Variants in PROS1 observed in about 807,000 individuals in gnomAD.
PROS1 encodes vitamin K-dependent protein S.
PROS1 carries 29 observed loss-of-function variants against 75.9 expected under a neutral mutation model. The observed-to-expected ratio is 0.38, with a 90% confidence interval of 0.28 to 0.52. The LOEUF is 0.52. Among genes scored for constraint, PROS1 ranks in the 20% least tolerant of loss-of-function variants. The pLI is 0.83. For synonymous variants in PROS1, 245 were observed against 280.6 expected (o/e 0.87, Z 1.27); for missense variants, 680 against 810.3 (o/e 0.84, Z 1.95).
intron 13 of PROS1, among the ~76,000 whole-genome samples, chr3:93,877,702 C>T (rs1323813730): frequency 6.6e-6 from 1 of 152,158 alleles, no homozygotes; most frequent in East Asian, 1.9e-4. Context: ...CCAGGGATTG[C>T]CACCAGCACG....
rs748894143 is a variant in PROS1 at position 93,886,302 on chromosome 3, A to G, written c.1323+34T>C. ...AATCTATTACAGACAAAAGGAACTC[A>G]TCCATGATGAATGATACAAGCTTGG... On this transcript the variant is annotated intron_variant, in intron 11 of 14. Coordinates refer to ENST00000394236, the MANE Select transcript of PROS1 (RefSeq NM_000313.4). 1.6e-5 allele frequency: 26 copies of G among 1,597,146 alleles called. No homozygotes were observed. In the Admixed American group the frequency reaches 3.5e-4, roughly 22 times the overall value.
At chr3:93,942,687 C>A (rs1709307043) in intron 1 of PROS1, among the ~76,000 whole-genome samples, 1 of 152,212 alleles carries the variant, frequency 6.6e-6, no homozygotes, top group Admixed American at 6.5e-5. Flanking sequence ...CAGGCCCATT[C>A]TATTCTGTCG....
chr3:93,917,699 C>T (rs1038163154), intron 3 of PROS1, among the ~76,000 whole-genome samples: 1 of 152,144 alleles, frequency 6.6e-6, no homozygotes, highest in Non-Finnish European at 1.5e-5. Context: ...CCGGCCCTGC[C>T]AGCAGGGGCA....
chr3:93,933,108 C>T (rs1360048538), intron 1 of PROS1, among the ~76,000 whole-genome samples: 1 of 152,158 alleles, frequency 6.6e-6, no homozygotes, highest in Non-Finnish European at 1.5e-5. Context: ...AGAAGAGAGT[C>T]TTTGGCTAGC....
At chr3:93,903,725 A>G (rs1344503019) in intron 6 of PROS1, among the ~76,000 whole-genome samples, 1 of 152,236 alleles carries the variant, frequency 6.6e-6, no homozygotes, top group Admixed American at 6.5e-5. Flanking sequence ...ATTTAAGCGT[A>G]GAAGTAAGAA....
intron 1 of PROS1, among the ~76,000 whole-genome samples, chr3:93,963,947 C>A (rs924724038): frequency 5.3e-5 from 8 of 152,146 alleles, no homozygotes; most frequent in Non-Finnish European, 1.2e-4. Context: ...AATGGAGGGA[C>A]CGGCTGGAGC....
intron 6 of PROS1, among the ~76,000 whole-genome samples, chr3:93,904,933 G>A (rs1708651034): frequency 6.6e-6 from 1 of 152,124 alleles, no homozygotes; most frequent in African/African-American, 2.4e-5. Context: ...AGAAAAAGGA[G>A]TTATGACCAA....
At chr3:93,944,976 A>G (rs1709356737) in intron 1 of PROS1, among the ~76,000 whole-genome samples, 1 of 152,200 alleles carries the variant, frequency 6.6e-6, no homozygotes, top group Non-Finnish European at 1.5e-5. Flanking sequence ...AAAAAATGAT[A>G]AAGGGGATAA....
intron 2 of PROS1, 96 bp downstream of exon 2, chr3:93,927,154 C>T: frequency 3.3e-6 from 5 of 1,494,486 alleles, no homozygotes; most frequent in South Asian, 1.1e-5. Flanking sequence ...GAATTATTGA[C>T]TTTAAGATGG....
intron 10 of PROS1, 79 bp downstream of exon 10, chr3:93,892,854 G>A (rs1336901163): frequency 6.9e-7 from 1 of 1,445,830 alleles, no homozygotes. Flanking sequence ...TTTTGGTTTG[G>A]TATCACTATA....
chr3:93,937,482 C>T (rs1315185926), intron 1 of PROS1, among the ~76,000 whole-genome samples: 1 of 151,750 alleles, frequency 6.6e-6, no homozygotes, highest in Non-Finnish European at 1.5e-5. Context: ...ATTCTCCTGC[C>T]TCAGCCTCCC....
chr3:93,964,548 C>T (rs545939176), intron 1 of PROS1, among the ~76,000 whole-genome samples: 4 of 152,206 alleles, frequency 2.6e-5, no homozygotes, highest in East Asian at 1.9e-4. Context: ...TCTCTGCTCT[C>T]GAACCCTATT....
intron 1 of PROS1, among the ~76,000 whole-genome samples, chr3:93,957,281 A>T (rs756283788): frequency 1.3e-5 from 2 of 152,194 alleles, no homozygotes; most frequent in African/African-American, 2.4e-5. Flanking sequence ...CATTTCTAAG[A>T]ATATATATGT....
intron 3 of PROS1, among the ~76,000 whole-genome samples, chr3:93,922,739 C>G (rs1215472439): frequency 6.6e-6 from 1 of 151,734 alleles, no homozygotes; most frequent in Non-Finnish European, 1.5e-5. Flanking sequence ...ATATACACAT[C>G]AAATAACAAA....
chr3:93,936,762 T>A (rs1709190278), intron 1 of PROS1, among the ~76,000 whole-genome samples: 1 of 152,214 alleles, frequency 6.6e-6, no homozygotes, highest in Non-Finnish European at 1.5e-5. Flanking sequence ...CATGGACTAT[T>A]TCTAGCTGCT....
chr3:93,885,838 C>T (rs78390466), intron 11 of PROS1, among the ~76,000 whole-genome samples: 2,681 of 152,160 alleles, frequency 0.018, 83 homozygotes, highest in African/African-American at 0.06. Flanking sequence ...GAATGAAAGA[C>T]GGATGTAAGA....
At chr3:93,894,657 A>T (rs1218699412) in intron 9 of PROS1, among the ~76,000 whole-genome samples, 1 of 152,174 alleles carries the variant, frequency 6.6e-6, no homozygotes, top group African/African-American at 2.4e-5. Flanking sequence ...TTTCACAAGC[A>T]TGGTAAACAG....
At position 93,900,983 on chromosome 3, in the gene PROS1, A is replaced by C. The variant is rs200054356; in HGVS notation, c.602-54T>G. On this transcript the variant is annotated intron_variant, in intron 6 of 14. Coordinates refer to ENST00000394236, the MANE Select transcript of PROS1 (RefSeq NM_000313.4). Reference sequence around the variant, plus strand: ...CATTTTTCCCATACCAGCAGACACTACCAAAGAACCCTTGATTTGTGTTTC... The same window carrying C: ...CATTTTTCCCATACCAGCAGACACTCCCAAAGAACCCTTGATTTGTGTTTC... 65 of 1,575,062 alleles carry C rather than the reference A, an allele frequency of 4.1e-5. 1 individual carries two copies. Among genetic ancestry groups the C allele is most frequent in the Non-Finnish European group, 5.4e-5 (62 of 1,156,330 alleles).
At chr3:93,895,945 C>A (rs1042421568) in intron 9 of PROS1, among the ~76,000 whole-genome samples, 2 of 152,014 alleles carry the variant, frequency 1.3e-5, no homozygotes, top group African/African-American at 4.8e-5. Context: ...GCCTGGGGAA[C>A]AAAGCAAGAC....
Sources: allele counts gnomAD v4.1 joint callset (sites outside exome capture counted in the v4.1 genomes callset), GRCh38; gene constraint gnomAD v4.1.1; transcripts MANE v1.5; gene names NCBI Gene and HGNC (gene_info 2026-07-23, HGNC 2026-07-21).